PABPC4L: variants seen among roughly 807,000 people sequenced by gnomAD.
The protein encoded by PABPC4L is polyadenylate-binding protein 4-like.
For missense variants in PABPC4L, 452 were observed against 451.4 expected, an observed-to-expected ratio of 1.00 and a Z score of -0.01; for synonymous variants, 169 against 164.1, an observed-to-expected ratio of 1.03 and a Z score of -0.23.
the PABPC4L span, among the ~76,000 whole-genome samples, chr4:134,069,086 A>G: frequency 6.6e-6 from 1 of 152,040 alleles, no homozygotes; most frequent in African/African-American, 2.4e-5. Context: ...TTCGCTTATG[A>G]AGCTTCATTT....
At chr4:134,157,020 T>G in the PABPC4L span, among the ~76,000 whole-genome samples, 1 of 151,902 alleles carries the variant, frequency 6.6e-6, no homozygotes, top group South Asian at 2.1e-4. Context: ...AATTCAATTT[T>G]TTTTCTAATT....
At chr4:134,162,925 A>G in the PABPC4L span, among the ~76,000 whole-genome samples, 1 of 152,170 alleles carries the variant, frequency 6.6e-6, no homozygotes, top group African/African-American at 2.4e-5. Flanking sequence ...AAAGATCACA[A>G]ATTGGCAACC....
At chr4:134,129,814 A>G in the PABPC4L span, among the ~76,000 whole-genome samples, 1 of 151,998 alleles carries the variant, frequency 6.6e-6, no homozygotes, top group Admixed American at 6.6e-5. Context: ...CACACCTGTA[A>G]TCTCAGCACT....
the PABPC4L span, among the ~76,000 whole-genome samples, chr4:134,173,159 C>CAAAAAAAA: frequency 3.2e-4 from 25 of 77,884 alleles, no homozygotes; most frequent in Non-Finnish European, 4.6e-4. Context: ...GGAGATTCCT[C>CAAAAAAAA]AAAAAAAAAA....
the PABPC4L span, among the ~76,000 whole-genome samples, chr4:133,984,003 A>G: frequency 5.3e-5 from 8 of 152,006 alleles, no homozygotes; most frequent in East Asian, 1.5e-3. Context: ...GGTAAATTAT[A>G]TATGTAATCT....
chr4:133,950,668 T>C, the PABPC4L span, among the ~76,000 whole-genome samples: 1 of 152,162 alleles, frequency 6.6e-6, no homozygotes, highest in African/African-American at 2.4e-5. Context: ...GTTTGGAAAA[T>C]TGGGGCTTAA....
the PABPC4L span, among the ~76,000 whole-genome samples, chr4:134,026,525 T>C: frequency 0.01 from 1,592 of 152,250 alleles, 16 homozygotes; most frequent in Non-Finnish European, 0.017. Context: ...GTAGTTAATA[T>C]GCAAGTCTGA....
the PABPC4L span, among the ~76,000 whole-genome samples, chr4:133,995,398 CA>C: frequency 7.2e-4 from 110 of 152,260 alleles, no homozygotes; most frequent in Non-Finnish European, 1.1e-3. Context: ...TTGACATGCT[CA>C]TGTAAGTCCC....
the PABPC4L span, among the ~76,000 whole-genome samples, chr4:134,121,471 T>C: frequency 6.6e-6 from 1 of 151,668 alleles, no homozygotes; most frequent in African/African-American, 2.4e-5. Flanking sequence ...CAGATCATAT[T>C]GATCCAAACA....
chr4:134,079,578 C>CAAAA, the PABPC4L span, among the ~76,000 whole-genome samples: 839 of 90,646 alleles, frequency 9.3e-3, 38 homozygotes, highest in Non-Finnish European at 0.012. Context: ...GACTTCCTCT[C>CAAAA]AAAAAAAAAA....
At chr4:134,143,100 G>A in the PABPC4L span, among the ~76,000 whole-genome samples, 1 of 151,118 alleles carries the variant, frequency 6.6e-6, no homozygotes, top group South Asian at 2.1e-4. Flanking sequence ...CTATACACAC[G>A]AATGAATGAA....
downstream of PABPC4L, among the ~76,000 whole-genome samples, chr4:134,192,060 C>T (rs2126193769): frequency 6.6e-6 from 1 of 151,962 alleles, no homozygotes; most frequent in South Asian, 2.1e-4. Flanking sequence ...CATATAAAAT[C>T]CTGTACTTGA....
At chr4:133,958,001 C>T in the PABPC4L span, among the ~76,000 whole-genome samples, 26 of 152,196 alleles carry the variant, frequency 1.7e-4, no homozygotes, top group East Asian at 5.8e-4. Flanking sequence ...AGACCTCTGA[C>T]GCCCTGCAGA....
At chr4:134,092,620 G>T in the PABPC4L span, among the ~76,000 whole-genome samples, 1 of 152,054 alleles carries the variant, frequency 6.6e-6, no homozygotes, top group Middle Eastern at 3.4e-3. Context: ...CACCCTCTGG[G>T]GCTCTAGAGG....
the PABPC4L span, among the ~76,000 whole-genome samples, chr4:134,134,828 C>A: frequency 6.6e-6 from 1 of 151,838 alleles, no homozygotes; most frequent in African/African-American, 2.4e-5. Context: ...CTTGTGTCTT[C>A]AATTTCCTGC....
At chr4:134,037,978 T>C in the PABPC4L span, among the ~76,000 whole-genome samples, 1 of 152,192 alleles carries the variant, frequency 6.6e-6, no homozygotes, top group Admixed American at 6.6e-5. Context: ...ATAGCTCTTA[T>C]TATTTTGAGA....
the PABPC4L span, among the ~76,000 whole-genome samples, chr4:134,172,559 T>C: frequency 6.6e-6 from 1 of 152,108 alleles, no homozygotes; most frequent in Admixed American, 6.6e-5. Flanking sequence ...ATATAAATTC[T>C]TGGAGATAAT....
chr4:134,188,796 A>G, the PABPC4L span, among the ~76,000 whole-genome samples: 1 of 152,000 alleles, frequency 6.6e-6, no homozygotes, highest in African/African-American at 2.4e-5. Flanking sequence ...TATTGCTTTT[A>G]ATTATCCTGC....
the PABPC4L span, among the ~76,000 whole-genome samples, chr4:134,028,438 CTT>C: frequency 9.8e-4 from 143 of 145,424 alleles, no homozygotes; most frequent in East Asian, 1.2e-3. Flanking sequence ...ATTTCTTTTC[CTT>C]TTTTTTTTTT....
Sources: gnomAD v4.1 joint callset for allele counts (sites outside exome capture counted in the v4.1 genomes callset) on GRCh38, gnomAD v4.1.1 for gene constraint, MANE v1.5 for transcripts, NCBI Gene and HGNC (gene_info 2026-07-23, HGNC 2026-07-21) for gene names.